EIF2B5: variants seen among roughly 807,000 people sequenced by gnomAD.
The protein encoded by EIF2B5 is eukaryotic translation initiation factor 2B subunit epsilon.
In EIF2B5, 38 loss-of-function variants were observed where a neutral mutation model predicts 87.3. The ratio of observed to expected loss-of-function variants is 0.44; its 90% CI spans 0.34 to 0.57. The LOEUF (loss-of-function observed/expected upper bound fraction) is 0.57. Ranked by LOEUF, EIF2B5 falls within the 20% of genes least tolerant of loss-of-function variation. The probability of loss-of-function intolerance (pLI) is 0.02; values close to 1 mark genes in which losing one functional copy is unlikely to be tolerated. For missense variants in EIF2B5, 784 were observed against 909.5 expected (o/e 0.86, Z 1.78); for synonymous variants, 313 against 339.6 (o/e 0.92, Z 0.86).
intron 1 of EIF2B5, chr3:184,135,950 C>A: frequency 6.7e-6 from 2 of 298,856 alleles, no homozygotes; most frequent in South Asian, 8.4e-5. Flanking sequence ...TCTGAAAGGG[C>A]GGTAATATGC....
At chr3:184,135,829 C>G (rs1244973634) in intron 1 of EIF2B5, 4 of 589,076 alleles carry the variant, frequency 6.8e-6, no homozygotes, top group Non-Finnish European at 1.2e-5. Flanking sequence ...AATGTAGAAA[C>G]AGCGCTTGAG....
rs1228743338 is a variant in EIF2B5 at position 184,142,089 on chromosome 3, T to C, written c.1302+19T>C. On this transcript the variant is annotated intron_variant, in intron 8 of 15. Transcript: ENST00000648915. The surrounding 1 kb of genome is among the most constrained non-coding windows in gnomAD (Gnocchi z 5.0). ...TTCCCAGGTGAGACCTGATCTATACTGTGCACAGGCCCTGAATTGCATGGC... is the reference window on the plus strand; with the variant it reads ...TTCCCAGGTGAGACCTGATCTATACCGTGCACAGGCCCTGAATTGCATGGC... 9.9e-6 allele frequency: 16 copies of C among 1,614,186 alleles called. No individual in the cohort carries two copies. The highest frequency in any genetic ancestry group is 1.4e-5 in the Non-Finnish European group (16 of 1,180,042).
intron 2 of EIF2B5, 112 bp from the exon 3 acceptor site, chr3:184,137,508 C>A: frequency 9.0e-7 from 1 of 1,105,822 alleles, no homozygotes; most frequent in East Asian, 2.4e-5. Context: ...GGCAAGAACC[C>A]AAAAAAGCCA....
At chr3:184,143,692 G>C in intron 13 of EIF2B5, 127 bp downstream of exon 13, 1 of 1,436,082 alleles carries the variant, frequency 7.0e-7, no homozygotes, top group Non-Finnish European at 9.5e-7. Flanking sequence ...GAAGCTGGTT[G>C]GGCTCTAGAG....
At chr3:184,144,263 T>C (rs1380579676) in intron 14 of EIF2B5, 39 bp downstream of exon 14, 1 of 1,612,720 alleles carries the variant, frequency 6.2e-7, no homozygotes, top group Non-Finnish European at 8.5e-7. Context: ...TGCACTTGCT[T>C]TCAAACGAGG....
chr3:184,145,005 A>G lies in EIF2B5; in HGVS notation c.*62A>G, dbSNP rs1156735182. 5.5e-5 allele frequency: 83 copies of G among 1,501,524 alleles called. No homozygotes were observed. Among genetic ancestry groups the G allele is most frequent in the Non-Finnish European group, 7.1e-5 (77 of 1,082,398 alleles). 93.0% of individuals were successfully genotyped at this position (1,501,524 alleles called of 1,614,324 possible). On this transcript the variant is annotated 3_prime_UTR_variant, in exon 16 of 16. Coordinates refer to ENST00000648915, the MANE Select transcript of EIF2B5 (RefSeq NM_003907.3). The surrounding 1 kb of genome is among the most constrained non-coding windows in gnomAD (Gnocchi z 4.0). ...CCCTCCTGGCTCCTGGGCTGGGACA[A>G]GTGAGGAACTAGCTGCAGAGGGATG...
At chr3:184,141,680 C>T (rs899799942) in intron 7 of EIF2B5, among the ~76,000 whole-genome samples, 2 of 152,088 alleles carry the variant, frequency 1.3e-5, no homozygotes, top group African/African-American at 2.4e-5. Context: ...CAGAGGGTCC[C>T]CAGAAATCCT....
At chr3:184,138,782 C>G (rs1482715240) in intron 5 of EIF2B5, 1 of 235,978 alleles carries the variant, frequency 4.2e-6, no homozygotes, top group African/African-American at 2.4e-5. Context: ...AACCTCCTGC[C>G]TCAGCCTCCT....
Position 184,143,469 on chromosome 3 carries a change from G to A in EIF2B5, c.1773G>A (p.Glu591=). ...LKYAYNISLK[E]VMQVLSHVVL... ...ATGCCTATAACATAAGTCTAAAGGA[G>A]GTGATGCAGGTACTGAGCCACGTGG... The change falls in exon 13 of 16, where the codon GAG becomes GAA. Residue 591 remains glutamate, a synonymous_variant. Transcript: ENST00000648915. The A allele has an allele frequency of 6.2e-7, 1 of 1,614,190 alleles. No individual in the cohort carries two copies. Among genetic ancestry groups the A allele is most frequent in the South Asian group, 1.1e-5 (1 of 91,084 alleles).
At chr3:184,144,739 G>A (rs1420083402) in intron 15 of EIF2B5, 32 bp downstream of exon 15, 3 of 1,602,472 alleles carry the variant, frequency 1.9e-6, no homozygotes, top group Non-Finnish European at 2.6e-6. Flanking sequence ...TCGCCAAGAT[G>A]GTTATCTCAT....
chr3:184,138,102 G>A, intron 4 of EIF2B5, 27 bp downstream of exon 4: 1 of 1,614,058 alleles, frequency 6.2e-7, no homozygotes, highest in Non-Finnish European at 8.5e-7. Context: ...GGTCCTTTGA[G>A]ATGGGGAAGT....
In EIF2B5 at chr3:184,144,712, G is replaced by A. The variant is rs1171745993; in HGVS notation, c.2106+5G>A. The A allele has an allele frequency of 3.5e-5, 56 of 1,612,290 alleles. No homozygotes were observed. Among genetic ancestry groups the A allele is most frequent in the East Asian group, 1.1e-4 (5 of 44,862 alleles). On this transcript the variant is annotated splice_donor_5th_base_variant and intron_variant, in intron 15 of 15. Transcript: ENST00000648915. ...CAGTTGCGCAAGAATCAACAGGTGC[G>A]TCAGGCTGTCCTCCTCTCGCCAAGA...
chr3:184,136,841 T>C (rs1482231274), intron 2 of EIF2B5, 105 bp downstream of exon 2: 22 of 1,502,136 alleles, frequency 1.5e-5, no homozygotes, highest in Non-Finnish European at 1.9e-5. Context: ...TGTGTCTACT[T>C]AGATGTCATT....
At chr3:184,144,568 C>G in intron 14 of EIF2B5, 29 bp from the exon 15 acceptor site, 1 of 1,601,488 alleles carries the variant, frequency 6.2e-7, no homozygotes, top group South Asian at 1.1e-5. Context: ...TCCAAGGCCC[C>G]TGAGGTCCCC....
chr3:184,136,552 G>A (rs1198582645), intron 1 of EIF2B5, 60 bp from the exon 2 acceptor site: 2 of 1,607,272 alleles, frequency 1.2e-6, no homozygotes, highest in Non-Finnish European at 1.7e-6. Context: ...GAAAATTGTT[G>A]CAGTGGGGTA....
rs753507995 is a variant in EIF2B5 at position 184,142,542 on chromosome 3, C to T, written c.1485C>T (p.Tyr495=). The T allele has an allele frequency of 6.2e-7, 1 of 1,614,132 alleles. No homozygotes were observed. Among genetic ancestry groups the T allele is most frequent in the South Asian group, 1.1e-5 (1 of 91,072 alleles). ...PAEVGAAGKG[Y]LWKAAGMNME... is the part of the protein sequence containing the mutation. ...AAGTAGGAGCTGCTGGCAAGGGCTACCTCTGGAAAGCTGCAGGCATGAACA... is the reference window on the plus strand; with the variant it reads ...AAGTAGGAGCTGCTGGCAAGGGCTATCTCTGGAAAGCTGCAGGCATGAACA... The change falls in exon 10 of 16, where the codon TAC becomes TAT. Residue 495 remains tyrosine (Y), a synonymous_variant. Transcript: ENST00000648915. The surrounding 1 kb of genome is among the most constrained non-coding windows in gnomAD (Gnocchi z 5.0).
Position 184,138,205 on chromosome 3 carries a change from T to C in EIF2B5, c.724T>C (p.Tyr242His), listed in dbSNP as rs1275650217. The C allele has an allele frequency of 6.2e-7, 1 of 1,614,078 alleles. No homozygotes were observed. Among genetic ancestry groups the C allele is most frequent in the Non-Finnish European group, 8.5e-7 (1 of 1,180,032 alleles). ...QGSSDGVEVR[Y>H]DLLDCHISIC... ...CAGTAGTGATGGAGTGGAGGTTCGA[T>C]ATGATTTACTGGATTGTCATATCAG... is the stretch of plus-strand genomic sequence containing the variant. Residue 242 changes from tyrosine to histidine, a missense_variant, in exon 5 of 16, where the codon TAT becomes CAT. By Grantham distance (83) the Tyr-to-His change is moderately conservative. Coordinates refer to ENST00000648915, the MANE Select transcript of EIF2B5 (RefSeq NM_003907.3).
chr3:184,135,781 G>T, intron 1 of EIF2B5: 1 of 676,942 alleles, frequency 1.5e-6, no homozygotes. Context: ...CATTCGTAAT[G>T]CTGTCCACCT....
chr3:184,142,035 G>A lies in EIF2B5; in HGVS notation c.1267G>A (p.Val423Met). The stretch of plus-strand genomic sequence containing the variant: ...TGACAATGCTGAGGTCAAGGAACGA[G>A]TGACACTGAAACCACGCTCTGTCCT... The part of the protein sequence containing the change: ...LCDNAEVKER[V>M]TLKPRSVLTS... Residue 423 changes from valine (V) to methionine (M), a missense_variant, in exon 8 of 16, where the codon GTG becomes ATG. Val to Met is a conservative substitution (Grantham distance 21, BLOSUM62 1). Coordinates refer to ENST00000648915, the MANE Select transcript of EIF2B5 (RefSeq NM_003907.3). This position sits in a 1 kb window ranked among gnomAD's most constrained non-coding sequence, Gnocchi z 5.0. 2 of 1,614,184 alleles carry A rather than the reference G, an allele frequency of 1.2e-6. No homozygotes were observed. Among genetic ancestry groups the A allele is most frequent in the Non-Finnish European group, 1.7e-6 (2 of 1,180,034 alleles).
Sources: allele counts gnomAD v4.1 joint callset (sites outside exome capture counted in the v4.1 genomes callset), GRCh38; gene constraint gnomAD v4.1.1; non-coding constraint Gnocchi (gnomAD v3.1); transcripts MANE v1.5; gene names NCBI Gene and HGNC (gene_info 2026-07-23, HGNC 2026-07-21).